The following ABCA12 variants were observed in gnomAD, a reference collection of about 807,000 sequenced individuals.
ABCA12 encodes the protein ATP binding cassette subfamily A member 12.
Under a neutral mutation model 293.5 loss-of-function variants are expected in ABCA12, and 156 were observed. The observed-to-expected ratio is 0.53, with a 90% CI of 0.47 to 0.61. The LOEUF is 0.61. Ranked by LOEUF, ABCA12 falls within the 20% of genes least tolerant of loss-of-function variation. ABCA12 has a pLI of 0.00. For missense variants in ABCA12, 2,797 were observed against 3,090.2 expected (o/e 0.91, Z 2.25); for synonymous variants, 1,063 against 1,108.0 (o/e 0.96, Z 0.81).
chr2:214,947,553 C>T lies in ABCA12; in HGVS notation c.7108G>A (p.Val2370Ile), dbSNP rs1335174505. The T allele has an allele frequency of 1.2e-6, 2 of 1,613,482 alleles. No homozygotes were observed. The highest frequency in any genetic ancestry group is 1.1e-5 in the South Asian group (1 of 91,070). ...GIPEKDIKET[V>I]HKLLRRLHLM... ...TGAAGTCTCCTAAGGAGTTTATGAA[C>T]AGTCTGTAGGCAATAAAAGGGGAGT... Residue 2370 changes from valine to isoleucine, a missense_variant, in exon 48 of 53, where the codon GTT becomes ATT. Val to Ile is a conservative substitution (Grantham distance 29, BLOSUM62 3). Coordinates refer to ENST00000272895, the MANE Select transcript of ABCA12 (RefSeq NM_173076.3).
chr2:215,017,776 G>A (rs1700538444), intron 14 of ABCA12: 1 of 524,036 alleles, frequency 1.9e-6, no homozygotes, highest in South Asian at 2.1e-5. Context: ...AACAAATGGG[G>A]CATGGGAAAG....
chr2:214,954,110 G>GA lies in ABCA12; in HGVS notation c.6394-4dup. 1 of 1,612,748 alleles carries GA rather than the reference G, an allele frequency of 6.2e-7. No homozygotes were observed. Among genetic ancestry groups the GA allele is most frequent in the Non-Finnish European group, 8.5e-7 (1 of 1,179,844 alleles). On this transcript the variant is annotated splice_polypyrimidine_tract_variant and splice_region_variant and intron_variant, in intron 43 of 52. Coordinates refer to ENST00000272895, the MANE Select transcript of ABCA12 (RefSeq NM_173076.3). ...GTTTCAGAAATAAGTTCTAAAGTCT[G>GA]AAATAAGAGAAATAAAAATAAAACT...
intron 2 of ABCA12, among the ~76,000 whole-genome samples, chr2:215,092,011 C>G (rs1432427291): frequency 6.6e-6 from 1 of 152,136 alleles, no homozygotes; most frequent in East Asian, 1.9e-4. Flanking sequence ...GAATGCTGGC[C>G]CAAAGCTCTC....
At chr2:215,016,582 C>CAAAAAAAGAA (rs1700508031) in intron 14 of ABCA12, among the ~76,000 whole-genome samples, 1 of 29,926 alleles carries the variant, frequency 3.3e-5, no homozygotes, top group Non-Finnish European at 7.2e-5. Flanking sequence ...GACTCTGTCT[C>CAAAAAAAGAA]AAAAAAAAAA....
chr2:215,092,226 G>A (rs1192372733), intron 2 of ABCA12, among the ~76,000 whole-genome samples: 1 of 152,072 alleles, frequency 6.6e-6, no homozygotes, highest in Non-Finnish European at 1.5e-5. Context: ...CTCCATAACT[G>A]TTGTGGGTAT....
intron 5 of ABCA12, among the ~76,000 whole-genome samples, chr2:215,051,705 T>A (rs1701325398): frequency 7.1e-6 from 1 of 141,206 alleles, no homozygotes; most frequent in Admixed American, 7.2e-5. Context: ...GAGAGAATAG[T>A]ATCTCTAATG....
intron 2 of ABCA12, among the ~76,000 whole-genome samples, chr2:215,107,208 C>T (rs1342772663): frequency 6.6e-6 from 1 of 152,140 alleles, no homozygotes; most frequent in Non-Finnish European, 1.5e-5. Context: ...GGGCTGCTTG[C>T]CTGGACATTC....
chr2:215,116,441 G>T lies in ABCA12; in HGVS notation c.70-4751C>A, dbSNP rs146432211. Reference sequence around the variant, plus strand: ...ATAGCTTGCTTGCTTGATTGATATAGATAGGTAGGTAGATAGATTGATAGA... The same window carrying T: ...ATAGCTTGCTTGCTTGATTGATATATATAGGTAGGTAGATAGATTGATAGA... On this transcript the variant is annotated intron_variant, in intron 1 of 52. Transcript: ENST00000272895. Among the ~76,000 whole-genome samples the T allele has an allele frequency of 3.6e-3, 555 of 152,276 alleles. 4 individuals carry two copies. The highest frequency in any genetic ancestry group is 0.013 in the African/African-American group (535 of 41,570).
intron 9 of ABCA12, among the ~76,000 whole-genome samples, chr2:215,029,971 A>G (rs2106028147): frequency 6.6e-6 from 1 of 152,346 alleles, no homozygotes; most frequent in South Asian, 2.1e-4. Flanking sequence ...ATAACTTTTT[A>G]CCTTATACCA....
chr2:214,991,080 A>G, intron 23 of ABCA12, 49 bp from the exon 24 acceptor site: 3 of 1,526,482 alleles, frequency 2.0e-6, no homozygotes, highest in Non-Finnish European at 2.7e-6. Context: ...TATTCTTCCA[A>G]ATAAAAATTA....
intron 2 of ABCA12, among the ~76,000 whole-genome samples, chr2:215,081,205 C>T (rs2106094334): frequency 1.3e-5 from 2 of 152,216 alleles, no homozygotes; most frequent in East Asian, 3.9e-4. Context: ...AGGCCAGCTG[C>T]AGTGGCTCAC....
chr2:215,101,986 C>T (rs149513761), intron 2 of ABCA12, among the ~76,000 whole-genome samples: 1 of 152,222 alleles, frequency 6.6e-6, no homozygotes, highest in East Asian at 1.9e-4. Context: ...ACCTTCTAAA[C>T]TATTGTCTAG....
Position 214,953,896 on chromosome 2 carries a change from GA to G in ABCA12, c.6604del (p.Ser2202ProfsTer5). ...GGATTCGTTGATTAAGAGTCGCAAG[GA>G]AAAAAACATGGTGCCCTGAGAAACC... ...ALVSQGTMFF[S>X]LRLLINESLI... On this transcript the variant is annotated frameshift_variant, in exon 44 of 53. Transcript: ENST00000272895. LOFTEE classifies it high-confidence loss of function. 1 of 1,613,750 alleles carries G rather than the reference GA, an allele frequency of 6.2e-7. No individual in the cohort carries two copies. Among genetic ancestry groups the G allele is most frequent in the Non-Finnish European group, 8.5e-7 (1 of 1,179,902 alleles).
At chr2:214,988,327 A>G (rs1012088080) in intron 26 of ABCA12, among the ~76,000 whole-genome samples, 1 of 152,214 alleles carries the variant, frequency 6.6e-6, no homozygotes, top group Non-Finnish European at 1.5e-5. Context: ...GTACAGGTAG[A>G]TAAGTCTTAG....
chr2:215,069,526 C>A (rs189820630), intron 2 of ABCA12, among the ~76,000 whole-genome samples: 18 of 152,186 alleles, frequency 1.2e-4, no homozygotes, highest in Admixed American at 3.3e-4. Context: ...CTCGGTTACA[C>A]TTGAAAAGAC....
intron 1 of ABCA12, among the ~76,000 whole-genome samples, chr2:215,131,858 T>C (rs2105918283): frequency 6.6e-6 from 1 of 152,060 alleles, no homozygotes; most frequent in East Asian, 1.9e-4. Flanking sequence ...TTCTATCTTT[T>C]TGATGTAAGC....
chr2:214,947,192 A>G (rs191672029), intron 48 of ABCA12, among the ~76,000 whole-genome samples: 64 of 152,274 alleles, frequency 4.2e-4, no homozygotes, highest in African/African-American at 1.4e-3. Flanking sequence ...GCACTAAGCT[A>G]TTGCTTTCAG....
In ABCA12 at chr2:214,973,971, C is replaced by A; in HGVS notation, c.5540G>T (p.Cys1847Phe). The A allele has an allele frequency of 6.2e-7, 1 of 1,613,984 alleles. No individual in the cohort carries two copies. The highest frequency in any genetic ancestry group is 8.5e-7 in the Non-Finnish European group (1 of 1,179,930). The change falls in exon 36 of 53, where the codon TGC becomes TTC. Residue 1847 changes from cysteine (C) to phenylalanine (F), a missense_variant. Coordinates refer to ENST00000272895, the MANE Select transcript of ABCA12 (RefSeq NM_173076.3). ...TACCTGGACATTTTCTGAGCAGGAG[C>A]AAACACCAAAATTAGTGATGGGTTC... Reference protein sequence around the residue: ...SGEPITNFGVCSCSENVQECP... With the variant: ...SGEPITNFGVFSCSENVQECP...
chr2:214,959,086 A>G lies in ABCA12; in HGVS notation c.5885-8T>C. On this transcript the variant is annotated splice_polypyrimidine_tract_variant and splice_region_variant and intron_variant, in intron 39 of 52. Transcript: ENST00000272895. ...GGCTATACATGATGATGCCTTAAAGACGAAACAGTTCTTCTATTAGTAGGT... is the reference window on the plus strand; with the variant it reads ...GGCTATACATGATGATGCCTTAAAGGCGAAACAGTTCTTCTATTAGTAGGT... 1 of 1,613,288 alleles carries G rather than the reference A, an allele frequency of 6.2e-7. No individual in the cohort carries two copies. The highest frequency in any genetic ancestry group is 8.5e-7 in the Non-Finnish European group (1 of 1,179,264).
Sources: gnomAD v4.1 joint callset for allele counts (sites outside exome capture counted in the v4.1 genomes callset) on GRCh38, gnomAD v4.1.1 for gene constraint, MANE v1.5 for transcripts, NCBI Gene and HGNC (gene_info 2026-07-23, HGNC 2026-07-21) for gene names.